CHRM3: variants seen among roughly 807,000 people sequenced by gnomAD.
CHRM3 encodes muscarinic acetylcholine receptor M3.
Under a neutral mutation model 41.8 loss-of-function variants are expected in CHRM3, and 11 were observed. The ratio of observed to expected loss-of-function variants is 0.26; its 90% CI spans 0.17 to 0.44. CHRM3 has a LOEUF of 0.44. CHRM3 is among the 20% of genes least tolerant of loss of function. The probability of loss-of-function intolerance (pLI) is 1.00; values close to 1 mark genes in which losing one functional copy is unlikely to be tolerated. For missense variants in CHRM3, 571 were observed against 745.4 expected, an observed-to-expected ratio of 0.77 and a Z score of 2.72; for synonymous variants, 297 against 301.4, an observed-to-expected ratio of 0.99 and a Z score of 0.15.
intron 6 of CHRM3, among the ~76,000 whole-genome samples, chr1:239,856,112 CT>C (rs1453587939): frequency 1.2e-4 from 18 of 152,266 alleles, no homozygotes; most frequent in Admixed American, 2.6e-4. Context: ...CTGGTGCTAA[CT>C]GTCCTATCTC....
intron 4 of CHRM3, among the ~76,000 whole-genome samples, chr1:239,675,917 A>G (rs533953037): frequency 3.3e-5 from 5 of 152,140 alleles, no homozygotes; most frequent in Non-Finnish European, 7.3e-5. Flanking sequence ...AGCTTCAGCA[A>G]CTGTATTTCA....
At chr1:239,835,106 A>G (rs1673202782) in intron 6 of CHRM3, among the ~76,000 whole-genome samples, 3 of 152,180 alleles carry the variant, frequency 2.0e-5, no homozygotes, top group Admixed American at 2.0e-4. Flanking sequence ...TCTACCTTAA[A>G]TTGCCATTGT....
At chr1:239,477,721 G>C (rs1666562866) in intron 1 of CHRM3, among the ~76,000 whole-genome samples, 1 of 152,150 alleles carries the variant, frequency 6.6e-6, no homozygotes. Context: ...GGGCATGGGT[G>C]AAAATCTGAG....
intron 1 of CHRM3, among the ~76,000 whole-genome samples, chr1:239,398,437 T>C (rs1659683430): frequency 6.6e-6 from 1 of 151,734 alleles, no homozygotes; most frequent in Admixed American, 6.6e-5. Context: ...GGTTTCACCA[T>C]GTTGGTCAGG....
At chr1:239,660,174 G>A (rs1673063207) in intron 4 of CHRM3, among the ~76,000 whole-genome samples, 1 of 152,100 alleles carries the variant, frequency 6.6e-6, no homozygotes, top group Admixed American at 6.6e-5. Flanking sequence ...TAGAGATGGG[G>A]TTCTCACTAA....
At chr1:239,421,587 G>A (rs898205430) in intron 1 of CHRM3, among the ~76,000 whole-genome samples, 13 of 152,112 alleles carry the variant, frequency 8.5e-5, no homozygotes, top group African/African-American at 3.1e-4. Flanking sequence ...TTGTGTATGT[G>A]TGGCTTACTG....
At chr1:239,899,562 G>C (rs546976362) in intron 6 of CHRM3, among the ~76,000 whole-genome samples, 2 of 151,014 alleles carry the variant, frequency 1.3e-5, no homozygotes, top group South Asian at 4.2e-4. Context: ...GTGTGTGTGT[G>C]TAGTGTGTGT....
intron 1 of CHRM3, among the ~76,000 whole-genome samples, chr1:239,453,471 T>TAAA (rs1664707680): frequency 6.6e-6 from 1 of 152,224 alleles, no homozygotes; most frequent in Non-Finnish European, 1.5e-5. Flanking sequence ...TGAAAACATC[T>TAAA]ATGCTGTCAT....
chr1:239,675,191 C>T (rs1403968744), intron 4 of CHRM3, among the ~76,000 whole-genome samples: 1 of 152,104 alleles, frequency 6.6e-6, no homozygotes, highest in African/African-American at 2.4e-5. Context: ...TTGTGTTCAC[C>T]CAACCAAATG....
chr1:239,435,138 G>C (rs1663134656), intron 1 of CHRM3, among the ~76,000 whole-genome samples: 1 of 152,186 alleles, frequency 6.6e-6, no homozygotes, highest in African/African-American at 2.4e-5. Flanking sequence ...AATGCTTAAT[G>C]CTTTTAAGAG....
At chr1:239,481,849 T>C (rs1431995288) in intron 1 of CHRM3, among the ~76,000 whole-genome samples, 1 of 152,038 alleles carries the variant, frequency 6.6e-6, no homozygotes, top group Admixed American at 6.6e-5. Context: ...ATAGAATCTT[T>C]TGGGGGAAAT....
chr1:239,815,835 A>G (rs1671531257), intron 5 of CHRM3, among the ~76,000 whole-genome samples: 2 of 152,174 alleles, frequency 1.3e-5, no homozygotes, highest in Admixed American at 1.3e-4. Context: ...TCCAGGTTTT[A>G]TGCATCTTTA....
intron 4 of CHRM3, among the ~76,000 whole-genome samples, chr1:239,647,570 T>C (rs1671849664): frequency 1.3e-5 from 2 of 152,206 alleles, no homozygotes; most frequent in South Asian, 4.1e-4. Flanking sequence ...ATTTTTTTCC[T>C]TTTTACTTAA....
chr1:239,712,043 A>T (rs1233564338), intron 5 of CHRM3, among the ~76,000 whole-genome samples: 4 of 152,158 alleles, frequency 2.6e-5, no homozygotes, highest in African/African-American at 9.7e-5. Flanking sequence ...CCCATTCAGA[A>T]ATATTTCCAA....
At chr1:239,763,404 A>C (rs547427259) in intron 5 of CHRM3, among the ~76,000 whole-genome samples, 14 of 152,234 alleles carry the variant, frequency 9.2e-5, no homozygotes, top group African/African-American at 2.4e-4. Context: ...CTTCATAGCT[A>C]TTCTGTGAAA....
At chr1:239,741,555 G>A (rs1202006195) in intron 5 of CHRM3, among the ~76,000 whole-genome samples, 2 of 152,130 alleles carry the variant, frequency 1.3e-5, no homozygotes, top group Admixed American at 6.6e-5. Flanking sequence ...ATATGTTAGG[G>A]TAGACTGTCC....
chr1:239,787,475 C>T (rs1170059593), intron 5 of CHRM3, among the ~76,000 whole-genome samples: 2 of 151,898 alleles, frequency 1.3e-5, no homozygotes, highest in Non-Finnish European at 2.9e-5. Context: ...TCTTAGAAGC[C>T]GAAACAAGAA....
intron 3 of CHRM3, among the ~76,000 whole-genome samples, chr1:239,585,354 T>C (rs1249199176): frequency 2.6e-5 from 4 of 152,092 alleles, no homozygotes; most frequent in Non-Finnish European, 5.9e-5. Flanking sequence ...TTGAGATATG[T>C]TTAAGCTGAG....
chr1:239,880,648 T>TG (rs1162393801), intron 6 of CHRM3, among the ~76,000 whole-genome samples: 7 of 152,178 alleles, frequency 4.6e-5, no homozygotes, highest in Admixed American at 4.6e-4. Context: ...CACACCACCA[T>TG]GCCTAGCTAA....
Sources: gnomAD v4.1 joint callset for allele counts (sites outside exome capture counted in the v4.1 genomes callset) on GRCh38, gnomAD v4.1.1 for gene constraint, MANE v1.5 for transcripts, NCBI Gene and HGNC (gene_info 2026-07-23, HGNC 2026-07-21) for gene names.